Variants in KIF15 observed in about 807,000 individuals in gnomAD.
KIF15 encodes the protein kinesin-like protein KIF15.
A neutral mutation model predicts 190.6 loss-of-function variants in KIF15; 140 were observed. The ratio of observed to expected loss-of-function variants is 0.73; its 90% CI spans 0.64 to 0.84. The LOEUF (loss-of-function observed/expected upper bound fraction) is 0.84, where lower values mean the gene tolerates loss of function less well. Among genes scored for constraint, KIF15 ranks in the 40% least tolerant of loss-of-function variants. The pLI, the probability that KIF15 is intolerant of heterozygous loss-of-function variation, is 0.00. For synonymous variants in KIF15, 528 were observed against 551.3 expected (o/e 0.96, Z 0.59); for missense variants, 1,372 against 1,584.4 (o/e 0.87, Z 2.28).
In KIF15 at chr3:44,799,762, T is replaced by TA. The variant is rs767515029; in HGVS notation, c.1099-535dup. The stretch of plus-strand genomic sequence containing the variant: ...ATAATCATTTAGTGTGGTAAAAAAT[T>TA]AAAAAAAAAAAAAAAAAGGAAGTGT... On this transcript the variant is annotated intron_variant, in intron 10 of 34. Coordinates refer to ENST00000326047, the MANE Select transcript of KIF15 (RefSeq NM_020242.3). Among the ~76,000 whole-genome samples the TA allele has an allele frequency of 5.9e-3, 655 of 110,268 alleles. 3 individuals carry two copies. The highest frequency in any genetic ancestry group is 0.01 in the South Asian group (36 of 3,454). The allele number at this position is 110,268 out of a possible 152,430, so 72.3% of individuals were successfully genotyped here. A position where few individuals can be genotyped will look rare whatever the true frequency, so the allele number is the denominator to read the frequency against.
intron 19 of KIF15, among the ~76,000 whole-genome samples, chr3:44,814,278 T>G (rs1347933767): frequency 6.6e-6 from 1 of 151,826 alleles, no homozygotes; most frequent in Non-Finnish European, 1.5e-5. Context: ...ATGTTACATC[T>G]TTTAATTTTT....
At chr3:44,795,079 G>A (rs1270772757) in intron 8 of KIF15, among the ~76,000 whole-genome samples, 1 of 152,186 alleles carries the variant, frequency 6.6e-6, no homozygotes, top group Non-Finnish European at 1.5e-5. Context: ...GATTTCTTTT[G>A]TGGAACAGTG....
intron 6 of KIF15, among the ~76,000 whole-genome samples, chr3:44,785,856 G>C (rs764247862): frequency 2.0e-5 from 3 of 152,122 alleles, no homozygotes; most frequent in Non-Finnish European, 2.9e-5. Flanking sequence ...TTAGCTCCCA[G>C]GCACCTGTGG....
intron 27 of KIF15, among the ~76,000 whole-genome samples, chr3:44,838,826 T>G (rs1203026663): frequency 6.6e-6 from 1 of 151,870 alleles, no homozygotes; most frequent in East Asian, 1.9e-4. Flanking sequence ...TTGGCCAACT[T>G]CTCCATGTAC....
chr3:44,812,273 C>G lies in KIF15; in HGVS notation c.2261C>G (p.Ser754Cys). ...CATGTTGACAAACTGGAACATCATT[C>G]TACCCAAATGCAGGAGGTGAGACCA... Reference protein sequence around the residue: ...QQHVDKLEHHSTQMQELFSSE... With the variant: ...QQHVDKLEHHCTQMQELFSSE... Residue 754 changes from serine to cysteine, a missense_variant, in exon 18 of 35, where the codon TCT (serine) becomes TGT (cysteine). By Grantham distance (112) the Ser-to-Cys change is moderately radical. Coordinates refer to ENST00000326047, the MANE Select transcript of KIF15 (RefSeq NM_020242.3). The G allele has an allele frequency of 6.2e-7, 1 of 1,613,424 alleles. No homozygotes were observed.
intron 29 of KIF15, among the ~76,000 whole-genome samples, chr3:44,841,848 A>C (rs1057171713): frequency 6.6e-6 from 1 of 152,190 alleles, no homozygotes; most frequent in Non-Finnish European, 1.5e-5. Flanking sequence ...CTTCCAGGGT[A>C]GCCCCTTTCT....
chr3:44,843,534 C>T (rs542046242), intron 30 of KIF15, among the ~76,000 whole-genome samples: 6 of 152,152 alleles, frequency 3.9e-5, no homozygotes, highest in Non-Finnish European at 8.8e-5. Context: ...TATATAATAT[C>T]GACAAGGTTC....
downstream of KIF15, among the ~76,000 whole-genome samples, chr3:44,858,131 G>T (rs1183986462): frequency 6.6e-6 from 1 of 152,228 alleles, no homozygotes; most frequent in Non-Finnish European, 1.5e-5. Context: ...GGGACGAGGG[G>T]TGTAGGGGAA....
At position 44,801,519 on chromosome 3, in the gene KIF15, A is replaced by G. The variant is rs748948451; in HGVS notation, c.1292A>G (p.Glu431Gly). 1.3e-6 allele frequency: 2 copies of G among 1,556,866 alleles called. No individual in the cohort carries two copies. Among genetic ancestry groups the G allele is most frequent in the Admixed American group, 3.4e-5 (2 of 59,588 alleles). ...AMLFFKKSEQ[E>G]KKSLIEKVTQ... The stretch of plus-strand genomic sequence containing the variant: ...TTATTCTTTAAGAAATCTGAACAGG[A>G]AAAGAAGGTAGGAAATGGAATTAGT... Residue 431 changes from glutamate (E) to glycine (G), a missense_variant, in exon 12 of 35, where the codon GAA becomes GGA. Coordinates refer to ENST00000326047, the MANE Select transcript of KIF15 (RefSeq NM_020242.3).
chr3:44,840,917 G>A (rs376604774), intron 28 of KIF15, among the ~76,000 whole-genome samples, 157 bp from the exon 29 acceptor site: 58 of 152,038 alleles, frequency 3.8e-4, no homozygotes, highest in East Asian at 1.5e-3. Context: ...TAGGCAGTCC[G>A]CCCACCTCGG....
rs1267054547 is a variant in KIF15, at chr3:44,786,472, C to T, written c.537C>T (p.Asp179=). The change falls in exon 7 of 35, where the codon GAC becomes GAT. Residue 179 remains aspartate (D), a synonymous_variant. Coordinates refer to ENST00000326047, the MANE Select transcript of KIF15 (RefSeq NM_020242.3). ...IYNEQIYDLL[D]SASAGLYLRE... is the part of the protein sequence containing the mutation. Reference sequence around the variant, plus strand: ...ACGAGCAGATATATGATCTACTGGACTCTGCATCGGCTGGACTGTACTTAA... The same window carrying T: ...ACGAGCAGATATATGATCTACTGGATTCTGCATCGGCTGGACTGTACTTAA... 3 of 1,613,848 alleles carry T rather than the reference C, an allele frequency of 1.9e-6. No individual in the cohort carries two copies. The highest frequency in any genetic ancestry group is 2.5e-6 in the Non-Finnish European group (3 of 1,179,834).
At chr3:44,788,713 T>TC (rs1456747322) in intron 7 of KIF15, among the ~76,000 whole-genome samples, 2 of 152,198 alleles carry the variant, frequency 1.3e-5, no homozygotes, top group African/African-American at 2.4e-5. Context: ...TGCCTCAGCC[T>TC]CCCACTATAG....
chr3:44,819,344 C>T (rs879144346), intron 20 of KIF15, among the ~76,000 whole-genome samples: 4 of 152,110 alleles, frequency 2.6e-5, no homozygotes, highest in Non-Finnish European at 4.4e-5. Context: ...GTTAGGGTGT[C>T]GATTTTAGAT....
intron 6 of KIF15, among the ~76,000 whole-genome samples, chr3:44,868,413 TA>T (rs1699343354): frequency 6.6e-6 from 1 of 152,230 alleles, no homozygotes; most frequent in Admixed American, 6.5e-5. Flanking sequence ...AATTTTCTAT[TA>T]GAATAATGCT....
In KIF15 at chr3:44,852,893, C is replaced by A; in HGVS notation, c.*158C>A. Reference sequence around the variant, plus strand: ...GTAACCACCTCAAGTTTCTGATGAACATTCTGCATCCATATACACCCTGTG... The same window carrying A: ...GTAACCACCTCAAGTTTCTGATGAAAATTCTGCATCCATATACACCCTGTG... On this transcript the variant is annotated 3_prime_UTR_variant, in exon 35 of 35. Coordinates refer to ENST00000326047, the MANE Select transcript of KIF15 (RefSeq NM_020242.3). 1.8e-6 allele frequency: 1 copy of A among 556,590 alleles called. No homozygotes were observed. The allele number at this position is 556,590 out of a possible 1,614,324, so 34.5% of individuals were successfully genotyped here.
chr3:44,840,997 C>A, intron 28 of KIF15, 77 bp from the exon 29 acceptor site: 1 of 1,327,570 alleles, frequency 7.5e-7, no homozygotes, highest in Non-Finnish European at 1.1e-6. Context: ...TTTTTATGTA[C>A]TTGACATTTA....
chr3:44,788,966 A>G (rs192977883), intron 7 of KIF15, among the ~76,000 whole-genome samples: 14 of 152,216 alleles, frequency 9.2e-5, no homozygotes, highest in Admixed American at 8.5e-4. Flanking sequence ...AAAAATTTCA[A>G]TTTCCTCTTA....
chr3:44,802,101 A>G (rs975691188), intron 13 of KIF15, 127 bp downstream of exon 13: 21 of 632,720 alleles, frequency 3.3e-5, no homozygotes, highest in Non-Finnish European at 5.5e-5. Flanking sequence ...TGACAGTGTG[A>G]TTGCATAATT....
intron 19 of KIF15, among the ~76,000 whole-genome samples, chr3:44,813,771 C>T (rs140932850): frequency 0.019 from 2,832 of 152,080 alleles, 76 homozygotes; most frequent in African/African-American, 0.063. Context: ...GGATTATAGG[C>T]GTGCACCACC....
Sources: gnomAD v4.1 joint callset for allele counts (sites outside exome capture counted in the v4.1 genomes callset) on GRCh38, gnomAD v4.1.1 for gene constraint, MANE v1.5 for transcripts, NCBI Gene and HGNC (gene_info 2026-07-23, HGNC 2026-07-21) for gene names.